RYR3: variants seen among roughly 807,000 people sequenced by gnomAD.
The protein encoded by RYR3 is ryanodine receptor 3.
In RYR3, 207 loss-of-function variants were observed where a neutral mutation model predicts 584.3. The observed-to-expected ratio is 0.35, with a 90% CI of 0.32 to 0.40. The LOEUF (loss-of-function observed/expected upper bound fraction) is 0.40, where lower values mean the gene tolerates loss of function less well. Among genes scored for constraint, RYR3 ranks in the 10% least tolerant of loss-of-function variants. The pLI, the probability that RYR3 is intolerant of heterozygous loss-of-function variation, is 1.00. For synonymous variants in RYR3, 2,416 were observed against 2,248.5 expected (o/e 1.07, Z -2.11); for missense variants, 5,616 against 6,089.2 (o/e 0.92, Z 2.59).
rs2063775947 is a variant in RYR3 at position 33,670,433 on chromosome 15, G to A, written c.5737G>A (p.Glu1913Lys). 4 of 1,613,670 alleles carry A rather than the reference G, an allele frequency of 2.5e-6. No homozygotes were observed. Among genetic ancestry groups the A allele is most frequent in the South Asian group, 2.2e-5 (2 of 91,058 alleles). ...TGGCTTGCTAGGGGTTCCTTTGGAA[G>A]AAGAGGAAGAGGAGGAGGAGGACAC... is the stretch of plus-strand genomic sequence containing the variant. ...LLLHCGVPLE[E>K]EEEEEEDTSW... Residue 1913 changes from glutamate to lysine, a missense_variant, in exon 38 of 104, where the codon GAA becomes AAA. Physicochemically the swap from Glu to Lys is moderately conservative, Grantham distance 56. Transcript: ENST00000634891.
chr15:33,435,865 G>C (rs1377397292), intron 1 of RYR3, among the ~76,000 whole-genome samples: 1 of 152,224 alleles, frequency 6.6e-6, no homozygotes, highest in African/African-American at 2.4e-5. Context: ...GCGTGGCAAG[G>C]AACCCAAGTG....
chr15:33,722,103 G>C (rs956848684), intron 43 of RYR3, among the ~76,000 whole-genome samples: 6 of 152,164 alleles, frequency 3.9e-5, no homozygotes, highest in African/African-American at 1.4e-4. Context: ...CTCTGTGAGA[G>C]TATTAGGGTA....
chr15:33,440,415 G>A (rs2596235), intron 1 of RYR3, among the ~76,000 whole-genome samples: 32,029 of 152,128 alleles, frequency 0.21, 4,643 homozygotes, highest in African/African-American at 0.42. Context: ...GCGTGTTTTA[G>A]GATAGACTAG....
At chr15:33,784,143 G>A (rs188465693) in intron 65 of RYR3, among the ~76,000 whole-genome samples, 1 of 152,320 alleles carries the variant, frequency 6.6e-6, no homozygotes, top group Non-Finnish European at 1.5e-5. Flanking sequence ...TGCACATCCT[G>A]TCCAGGTAGA....
intron 38 of RYR3, among the ~76,000 whole-genome samples, chr15:33,677,047 T>C (rs1483484131): frequency 6.6e-6 from 1 of 152,186 alleles, no homozygotes; most frequent in African/African-American, 2.4e-5. Flanking sequence ...CAACCAAGTA[T>C]AGTGACCTCT....
chr15:33,475,826 A>C (rs1307220905), intron 2 of RYR3, among the ~76,000 whole-genome samples: 4 of 152,234 alleles, frequency 2.6e-5, no homozygotes, highest in Non-Finnish European at 5.9e-5. Context: ...CGCCTAGTGC[A>C]TTGTAAGCTT....
At chr15:33,669,896 T>TGTGG (rs1266346399) in intron 37 of RYR3, among the ~76,000 whole-genome samples, 1 of 138,518 alleles carries the variant, frequency 7.2e-6, no homozygotes, top group Non-Finnish European at 1.5e-5. Flanking sequence ...TGTGTGTGTG[T>TGTGG]GTGTGTGTTT....
intron 34 of RYR3, among the ~76,000 whole-genome samples, 194 bp downstream of exon 34, chr15:33,660,617 G>A (rs1216025239): frequency 1.3e-5 from 2 of 152,202 alleles, no homozygotes; most frequent in African/African-American, 4.8e-5. Flanking sequence ...ACACTAGGAG[G>A]TGCCTGCCAC....
intron 102 of RYR3, among the ~76,000 whole-genome samples, chr15:33,861,439 C>T (rs970847059): frequency 6.6e-6 from 1 of 151,924 alleles, no homozygotes; most frequent in African/African-American, 2.4e-5. Flanking sequence ...CCAGCAATTT[C>T]TCTTTCTCTA....
intron 85 of RYR3, among the ~76,000 whole-genome samples, chr15:33,830,030 A>G (rs1007177811): frequency 3.3e-5 from 5 of 152,208 alleles, no homozygotes; most frequent in African/African-American, 1.2e-4. Context: ...CTTGAGATGG[A>G]GTCTTCCTGG....
chr15:33,609,674 C>G (rs1567655691), intron 18 of RYR3, among the ~76,000 whole-genome samples: 2 of 152,030 alleles, frequency 1.3e-5, no homozygotes, highest in Admixed American at 6.6e-5. Flanking sequence ...GAAGTAACTA[C>G]AGTGATATTT....
intron 11 of RYR3, among the ~76,000 whole-genome samples, chr15:33,565,130 G>T (rs2057637698): frequency 6.6e-6 from 1 of 151,926 alleles, no homozygotes; most frequent in African/African-American, 2.4e-5. Context: ...ACTGGCTGCT[G>T]AGATCAGTAG....
At chr15:33,656,009 T>A (rs886322006) in intron 32 of RYR3, among the ~76,000 whole-genome samples, 1 of 152,212 alleles carries the variant, frequency 6.6e-6, no homozygotes, top group Non-Finnish European at 1.5e-5. Flanking sequence ...CATTTTTCTG[T>A]CCACTTAATA....
chr15:33,769,463 G>T (rs1252306908), intron 62 of RYR3, among the ~76,000 whole-genome samples: 1 of 152,226 alleles, frequency 6.6e-6, no homozygotes, highest in East Asian at 1.9e-4. Context: ...CCACTGGTGG[G>T]TGGTGAATCT....
chr15:33,508,473 C>T (rs1010147462), intron 3 of RYR3, among the ~76,000 whole-genome samples: 2 of 152,040 alleles, frequency 1.3e-5, no homozygotes, highest in Admixed American at 6.6e-5. Context: ...CACAGTGAAA[C>T]CCCATCTCTA....
intron 63 of RYR3, among the ~76,000 whole-genome samples, chr15:33,772,460 A>G (rs1271299884): frequency 6.6e-6 from 1 of 152,204 alleles, no homozygotes; most frequent in Non-Finnish European, 1.5e-5. Flanking sequence ...TTCAAAGGTT[A>G]TCTGAGTAAT....
chr15:33,368,360 T>TG (rs1975803112), intron 1 of RYR3, among the ~76,000 whole-genome samples: 1 of 148,468 alleles, frequency 6.7e-6, no homozygotes, highest in Non-Finnish European at 1.5e-5. Context: ...TTTTTTTTTT[T>TG]TTTACCATGG....
At chr15:33,603,011 G>A (rs933287224) in intron 17 of RYR3, 112 bp from the exon 18 acceptor site, 1 of 1,093,314 alleles carries the variant, frequency 9.1e-7, no homozygotes, top group Non-Finnish European at 1.4e-6. Context: ...GAAATACACA[G>A]CATTGCTCTT....
Position 33,311,549 on chromosome 15 carries a change from G to A in RYR3, c.51+453G>A, listed in dbSNP as rs764460093. On this transcript the variant is annotated intron_variant, in intron 1 of 103. Transcript: ENST00000634891. The surrounding 1 kb of genome is among the most constrained non-coding windows in gnomAD (Gnocchi z 4.4). The stretch of plus-strand genomic sequence containing the variant: ...CCCCCACGCACAGGGGAACCTCCGG[G>A]AAGGAGCCAGCGGGGCAGGGGGGAG... 1.1e-4 allele frequency among the ~76,000 whole-genome samples: 17 copies of A among 152,182 alleles called. No homozygotes were observed. The highest frequency in any genetic ancestry group is 1.7e-4 in the African/African-American group (7 of 41,462).
Sources: gnomAD v4.1 joint callset for allele counts (sites outside exome capture counted in the v4.1 genomes callset) on GRCh38, gnomAD v4.1.1 for gene constraint, Gnocchi (gnomAD v3.1) non-coding constraint, MANE v1.5 for transcripts, NCBI Gene and HGNC (gene_info 2026-07-23, HGNC 2026-07-21) for gene names.